TBX19: variants seen among roughly 807,000 people sequenced by gnomAD.
TBX19 encodes the protein T-box transcription factor TBX19.
In TBX19, 33 loss-of-function variants were observed where a neutral mutation model predicts 40.9. The ratio of observed to expected loss-of-function variants is 0.81; its 90% CI spans 0.61 to 1.08. The LOEUF (loss-of-function observed/expected upper bound fraction) is 1.08. Ranked by LOEUF, TBX19 falls within the 50% of genes least tolerant of loss-of-function variation. The probability of loss-of-function intolerance (pLI) is 0.00; values close to 1 mark genes in which losing one functional copy is unlikely to be tolerated. For missense variants in TBX19, 494 were observed against 574.0 expected (o/e 0.86, Z 1.42); for synonymous variants, 220 against 225.0 (o/e 0.98, Z 0.20).
In TBX19 at chr1:168,297,880, A is replaced by G. The variant is rs879812704; in HGVS notation, c.665+95A>G. On this transcript the variant is annotated intron_variant, in intron 4 of 7. Transcript: ENST00000367821. The stretch of plus-strand genomic sequence containing the variant: ...TTATCTTGAAAGGAACTAGACTAGT[A>G]GCACTTTCATTACCTTTTATAGAAA... The G allele has an allele frequency of 2.0e-4, 222 of 1,093,970 alleles. 1 individual carries two copies. The Admixed American group carries it at 4.3e-3, about 21-fold the overall frequency. The allele number at this position is 1,093,970 out of a possible 1,614,324, so 67.8% of individuals were successfully genotyped here.
intron 7 of TBX19, 31 bp downstream of exon 7, chr1:168,308,908 G>C (rs764351954): frequency 1.9e-6 from 3 of 1,614,040 alleles, no homozygotes; most frequent in Non-Finnish European, 2.5e-6. Context: ...TCGCTCATTG[G>C]TCGTCTTGGG....
intron 6 of TBX19, 163 bp from the exon 7 acceptor site, chr1:168,308,579 C>A: frequency 1.2e-6 from 1 of 855,850 alleles, no homozygotes; most frequent in Non-Finnish European, 1.8e-6. Flanking sequence ...ATTGAGGAAA[C>A]CCACGTTTCT....
At chr1:168,304,840 G>A (rs1313811367) in intron 5 of TBX19, among the ~76,000 whole-genome samples, 168 bp from the exon 6 acceptor site, 2 of 152,204 alleles carry the variant, frequency 1.3e-5, no homozygotes, top group African/African-American at 4.8e-5. Context: ...TCATGGGCAA[G>A]GGCAGTGGCA....
chr1:168,305,637 G>A (rs1220013259), intron 6 of TBX19, among the ~76,000 whole-genome samples: 1 of 152,222 alleles, frequency 6.6e-6, no homozygotes, highest in Non-Finnish European at 1.5e-5. Context: ...AGGTCTCTGG[G>A]AAGCTGGATC....
intron 7 of TBX19, among the ~76,000 whole-genome samples, chr1:168,310,679 AAT>A (rs1310211275): frequency 1.4e-5 from 2 of 146,684 alleles, no homozygotes; most frequent in African/African-American, 5.0e-5. Flanking sequence ...TATATAAAAA[AAT>A]ATAAAATATA....
chr1:168,292,234 C>T (rs1425093657), intron 2 of TBX19, among the ~76,000 whole-genome samples: 2 of 152,170 alleles, frequency 1.3e-5, no homozygotes, highest in Non-Finnish European at 2.9e-5. Flanking sequence ...CCAGAGGTAA[C>T]ACTACCCGAG....
intron 6 of TBX19, among the ~76,000 whole-genome samples, chr1:168,306,040 G>A (rs1649397149): frequency 6.6e-6 from 1 of 152,200 alleles, no homozygotes; most frequent in African/African-American, 2.4e-5. Flanking sequence ...GGGAGACAGT[G>A]GAGAGTATTT....
chr1:168,296,879 T>A (rs1010646380), intron 3 of TBX19, among the ~76,000 whole-genome samples: 4 of 152,174 alleles, frequency 2.6e-5, no homozygotes, highest in African/African-American at 9.6e-5. Flanking sequence ...AAAAAAAATA[T>A]ATATATATGT....
At chr1:168,295,984 G>A (rs749104518) in intron 3 of TBX19, among the ~76,000 whole-genome samples, 11 of 152,188 alleles carry the variant, frequency 7.2e-5, no homozygotes, top group East Asian at 5.8e-4. Flanking sequence ...GCAATCTCCC[G>A]GCCTGACTCG....
chr1:168,297,803 A>G lies in TBX19; in HGVS notation c.665+18A>G. The G allele has an allele frequency of 6.3e-7, 1 of 1,597,692 alleles. No homozygotes were observed. The highest frequency in any genetic ancestry group is 8.6e-7 in the Non-Finnish European group (1 of 1,165,738). On this transcript the variant is annotated intron_variant, in intron 4 of 7. Transcript: ENST00000367821. ...AAGGAAAGGTAAGTAAAGAAATTTT[A>G]GTGAAATCTTCTAATGAATGATTTA... is the stretch of plus-strand genomic sequence containing the variant.
In TBX19 at chr1:168,312,965, C is replaced by G. The variant is rs147003438; in HGVS notation, c.1310C>G (p.Ala437Gly). Residue 437 changes from alanine (A) to glycine (G), a missense_variant, in exon 8 of 8, where the codon GCG becomes GGG. Around this residue, in one of 3 missense-constraint regions of TBX19, gnomAD observed 284 missense variants for 307.3 expected, o/e 0.92. Coordinates refer to ENST00000367821, the MANE Select transcript of TBX19 (RefSeq NM_005149.3). ...TTCGCGGGCTGGGGTGGCCCAGGAG[C>G]GGGTGGGCACCATTCTCCTTCCTCA... ...HPFAGWGGPGAGGHHSPSSLD... is the reference protein window; with the variant it reads ...HPFAGWGGPGGGGHHSPSSLD... 2.5e-6 allele frequency: 4 copies of G among 1,614,084 alleles called. No individual in the cohort carries two copies. Among genetic ancestry groups the G allele is most frequent in the Admixed American group, 3.3e-5 (2 of 60,006 alleles).
At chr1:168,291,112 G>A (rs536929480) in intron 1 of TBX19, 48 bp from the exon 2 acceptor site, 1 of 1,613,212 alleles carries the variant, frequency 6.2e-7, no homozygotes, top group African/African-American at 1.3e-5. Flanking sequence ...CAAGGTGAGA[G>A]TTCCTCTAAC....
Position 168,280,994 on chromosome 1 carries a change from T to C in TBX19, c.-97T>C. The C allele has an allele frequency of 8.5e-7, 1 of 1,171,862 alleles. No individual in the cohort carries two copies. The highest frequency in any genetic ancestry group is 1.3e-5 in the South Asian group (1 of 78,020). 72.6% of individuals were successfully genotyped at this position (1,171,862 alleles called of 1,614,324 possible). A position where few individuals can be genotyped will look rare whatever the true frequency, so the allele number is the denominator to read the frequency against. On this transcript the variant is annotated 5_prime_UTR_variant, in exon 1 of 8. Coordinates refer to ENST00000367821, the MANE Select transcript of TBX19 (RefSeq NM_005149.3). ...TATCTTCTCTCCGCTCCCCAAGCAC[T>C]GTTCAAGTGGGTTTGAAAAGCAGGC... is the stretch of plus-strand genomic sequence containing the variant.
intron 4 of TBX19, 60 bp from the exon 5 acceptor site, chr1:168,300,362 T>C: frequency 1.3e-6 from 2 of 1,524,922 alleles, no homozygotes; most frequent in Admixed American, 1.7e-5. Context: ...TTGGGTATGC[T>C]TTATAGTGGA....
chr1:168,301,510 C>T lies in TBX19; in HGVS notation c.727+1027C>T, dbSNP rs1396576157. ...ACTCCTGACCTTGTGATCCGCCTGCCTCGACCTCCCAAAGTGCCGGGATTA... is the reference window on the plus strand; with the variant it reads ...ACTCCTGACCTTGTGATCCGCCTGCTTCGACCTCCCAAAGTGCCGGGATTA... On this transcript the variant is annotated intron_variant, in intron 5 of 7. Transcript: ENST00000367821. 6.6e-5 allele frequency among the ~76,000 whole-genome samples: 10 copies of T among 152,206 alleles called. No homozygotes were observed. The East Asian group carries it at 1.9e-3, about 29-fold the overall frequency.
chr1:168,287,164 A>T (rs1320412044), intron 1 of TBX19, among the ~76,000 whole-genome samples: 1 of 152,346 alleles, frequency 6.6e-6, no homozygotes. Flanking sequence ...ACTCTAACCT[A>T]TTAGCAGTGA....
rs761475206 is a variant in TBX19 at position 168,292,746 on chromosome 1, C to T, written c.469-398C>T. 5.7e-3 allele frequency among the ~76,000 whole-genome samples: 865 copies of T among 152,038 alleles called. 1 individual carries two copies. The highest frequency in any genetic ancestry group is 8.5e-3 in the Non-Finnish European group (580 of 67,960). ...GGGCGTGGTGGCGGGCGCCTGTAGT[C>T]CCAGCTACTCGGGAGGCTGAGGCAG... On this transcript the variant is annotated intron_variant, in intron 2 of 7. Coordinates refer to ENST00000367821, the MANE Select transcript of TBX19 (RefSeq NM_005149.3).
Position 168,286,864 on chromosome 1 carries a change from A to G in TBX19, c.204-4296A>G, listed in dbSNP as rs377351468. Among the ~76,000 whole-genome samples the G allele has an allele frequency of 9.8e-4, 150 of 152,316 alleles. 1 individual carries two copies. The highest frequency in any genetic ancestry group is 3.5e-3 in the African/African-American group (145 of 41,562). ...CTGCCAGCAATGTATGAGGATTCCA[A>G]TTTCTCTACATCTTCACCAATGCTT... On this transcript the variant is annotated intron_variant, in intron 1 of 7. Transcript: ENST00000367821.
At chr1:168,287,242 T>C (rs1648826169) in intron 1 of TBX19, among the ~76,000 whole-genome samples, 1 of 152,244 alleles carries the variant, frequency 6.6e-6, no homozygotes, top group South Asian at 2.1e-4. Flanking sequence ...AGTTTCTGAA[T>C]AGAGTGGGGC....
Sources: allele counts gnomAD v4.1 joint callset (sites outside exome capture counted in the v4.1 genomes callset), GRCh38; gene constraint gnomAD v4.1.1; regional missense constraint gnomAD v4.1.1; transcripts MANE v1.5; gene names NCBI Gene and HGNC (gene_info 2026-07-23, HGNC 2026-07-21).